Variants in GIGYF1 observed in about 807,000 individuals in gnomAD.
The protein encoded by GIGYF1 is GRB10-interacting GYF protein 1.
A neutral mutation model predicts 147.1 loss-of-function variants in GIGYF1; 84 were observed. The observed-to-expected ratio is 0.57, with a 90% CI of 0.48 to 0.68. The LOEUF (loss-of-function observed/expected upper bound fraction) is 0.68, where lower values mean the gene tolerates loss of function less well. GIGYF1 is among the 30% of genes least tolerant of loss of function. The pLI, the probability that GIGYF1 is intolerant of heterozygous loss-of-function variation, is 0.00. For synonymous variants in GIGYF1, 752 were observed against 589.5 expected, an observed-to-expected ratio of 1.28 and a Z score of -3.99; for missense variants, 1,485 against 1,393.7, an observed-to-expected ratio of 1.07 and a Z score of -1.04.
rs372621455 is a variant in GIGYF1, at chr7:100,689,560, G to T, written c.-1098-5C>A. ...TCAACTCCAGGACGCCACAGTCTGG[G>T]AAAGAAGAGGAAGCGGGTTCAACCA... On this transcript the variant is annotated splice_polypyrimidine_tract_variant and splice_region_variant and intron_variant, in intron 1 of 26. Coordinates refer to ENST00000678049, the MANE Select transcript of GIGYF1 (RefSeq NM_001375765.1). 1.3e-5 allele frequency: 2 copies of T among 152,664 alleles called. No homozygotes were observed. The highest frequency in any genetic ancestry group is 1.3e-4 in the Admixed American group (2 of 15,284). The allele number at this position is 152,664 out of a possible 1,614,324, so 9.5% of individuals were successfully genotyped here. A position where few individuals can be genotyped will look rare whatever the true frequency, so the allele number is the denominator to read the frequency against.
rs914610562 is a variant in GIGYF1, at chr7:100,681,194, G to A, written c.*525C>T. On this transcript the variant is annotated 3_prime_UTR_variant, in exon 27 of 27. Coordinates refer to ENST00000678049, the MANE Select transcript of GIGYF1 (RefSeq NM_001375765.1). ...CTCCTGTGCAAACTGCTGGCCCCCA[G>A]CTTCCAGTTACCCCATGGCCCGCCT... 1 of 152,704 alleles carries A rather than the reference G, an allele frequency of 6.5e-6. No individual in the cohort carries two copies. The highest frequency in any genetic ancestry group is 2.4e-5 in the African/African-American group (1 of 41,468). 9.5% of individuals were successfully genotyped at this position (152,704 alleles called of 1,614,324 possible).
chr7:100,682,696 C>T lies in GIGYF1; in HGVS notation c.2494G>A (p.Gly832Arg), dbSNP rs751175112. Residue 832 changes from glycine to arginine, a missense_variant, in exon 23 of 27, where the codon GGG becomes AGG. By Grantham distance (125) the Gly-to-Arg change is moderately radical. Coordinates refer to ENST00000678049, the MANE Select transcript of GIGYF1 (RefSeq NM_001375765.1). The stretch of plus-strand genomic sequence containing the variant: ...AGCCCCAGGCCGCTGCTGCCGCCCC[C>T]ACTCTTGTCTGGCCCGCCCCACAGT... ...GPLWGGPDKS[G>R]GGSSGLGLWE... 2 of 1,598,240 alleles carry T rather than the reference C, an allele frequency of 1.3e-6. No homozygotes were observed. Among genetic ancestry groups the T allele is most frequent in the Middle Eastern group, 1.7e-4 (1 of 5,978 alleles).
chr7:100,685,354 T>C lies in GIGYF1; in HGVS notation c.1182A>G (p.Pro394=), dbSNP rs1356192118. The C allele has an allele frequency of 6.3e-7, 1 of 1,597,490 alleles. No homozygotes were observed. The highest frequency in any genetic ancestry group is 1.1e-5 in the South Asian group (1 of 88,932). Residue 394 remains proline (P), a synonymous_variant, in exon 13 of 27, where the codon CCA becomes CCG. Coordinates refer to ENST00000678049, the MANE Select transcript of GIGYF1 (RefSeq NM_001375765.1). ...ATCCTCCCTTCCTACCTTCGGCCGC[T>C]GGGGGCTCTTTCTCTGCAGTTTCGT... The part of the protein sequence containing the change: ...DGDETAEKEP[P]AAEDDIRGIQ...
intron 1 of GIGYF1, among the ~76,000 whole-genome samples, chr7:100,690,270 T>A (rs1277026048): frequency 2.6e-5 from 4 of 152,170 alleles, no homozygotes; most frequent in Non-Finnish European, 4.4e-5. Context: ...GAGGCCATTT[T>A]GGGCCTCCTC....
Position 100,686,195 on chromosome 7 carries a change from G to C in GIGYF1, c.933C>G (p.Ala311=). Reference sequence around the variant, plus strand: ...TCACAGATACCTTGAGAGGCAAGAAGGCCCCAGAGGCATCAAAGGTGCCCA... The same window carrying C: ...TCACAGATACCTTGAGAGGCAAGAACGCCCCAGAGGCATCAAAGGTGCCCA... ...EEMGTFDASG[A]FLPLKKGPKE... is the part of the protein sequence containing the mutation. The change falls in exon 11 of 27, where the codon GCC becomes GCG. Residue 311 remains alanine, a synonymous_variant. Transcript: ENST00000678049. 6.2e-7 allele frequency: 1 copy of C among 1,610,026 alleles called. No individual in the cohort carries two copies. The highest frequency in any genetic ancestry group is 8.5e-7 in the Non-Finnish European group (1 of 1,177,818).
chr7:100,687,467 G>C (rs1219916492), intron 7 of GIGYF1, 38 bp downstream of exon 7: 1 of 1,606,046 alleles, frequency 6.2e-7, no homozygotes, highest in Admixed American at 1.7e-5. Flanking sequence ...CAGGGGCCCA[G>C]ATCTGCCCGT....
intron 23 of GIGYF1, 41 bp from the exon 24 acceptor site, chr7:100,682,523 A>C (rs1804881755): frequency 3.1e-6 from 5 of 1,602,842 alleles, no homozygotes; most frequent in Non-Finnish European, 4.2e-6. Flanking sequence ...ATCAGCTGGC[A>C]GGGGTTGGGG....
chr7:100,681,811 GCTC>G, intron 26 of GIGYF1, 40 bp from the exon 27 acceptor site: 1 of 1,601,478 alleles, frequency 6.2e-7, no homozygotes, highest in Non-Finnish European at 8.5e-7. Flanking sequence ...TCTCTCCTGG[GCTC>G]CTCCTGCCCT....
rs1194446481 is a variant in GIGYF1, at chr7:100,694,134, C to T, written c.-1123G>A. 1 of 139,978 alleles carries T rather than the reference C, an allele frequency of 7.1e-6. No homozygotes were observed. The highest frequency in any genetic ancestry group is 2.6e-5 in the African/African-American group (1 of 38,214). The allele number at this position is 139,978 out of a possible 1,614,324, so 8.7% of individuals were successfully genotyped here. A position where few individuals can be genotyped will look rare whatever the true frequency, so the allele number is the denominator to read the frequency against. ...CCGCGGGCGGCGCGAGGGTCCGGTCCCGGGGCGTGGGCGGCGCGCGGCGGG... is the reference window on the plus strand; with the variant it reads ...CCGCGGGCGGCGCGAGGGTCCGGTCTCGGGGCGTGGGCGGCGCGCGGCGGG... On this transcript the variant is annotated 5_prime_UTR_variant, in exon 1 of 27. Transcript: ENST00000678049.
At chr7:100,690,719 T>A (rs1584511053) in intron 1 of GIGYF1, among the ~76,000 whole-genome samples, 2 of 146,018 alleles carry the variant, frequency 1.4e-5, no homozygotes, top group Non-Finnish European at 1.5e-5. Context: ...GAGGCGGAGG[T>A]TGCAGTGAGC....
At chr7:100,693,536 G>A (rs969501467) in intron 1 of GIGYF1, among the ~76,000 whole-genome samples, 2 of 152,208 alleles carry the variant, frequency 1.3e-5, no homozygotes, top group Admixed American at 6.5e-5. Context: ...TGGGTGGAGG[G>A]CAAGGCTTCC....
rs530325752 is a variant in GIGYF1, at chr7:100,687,197, C to A, written c.482+101G>T. 60 of 1,449,976 alleles carry A rather than the reference C, an allele frequency of 4.1e-5. No homozygotes were observed. In the South Asian group the frequency reaches 6.1e-4, roughly 15 times the overall value. The allele number at this position is 1,449,976 out of a possible 1,614,324, so 89.8% of individuals were successfully genotyped here. On this transcript the variant is annotated intron_variant, in intron 8 of 26. Transcript: ENST00000678049. ...GGGTCAGGAGCACCGGGATCTCGGACAGGGCTTATCTGGTGGGCCTCTGTT... is the reference window on the plus strand; with the variant it reads ...GGGTCAGGAGCACCGGGATCTCGGAAAGGGCTTATCTGGTGGGCCTCTGTT...
In GIGYF1 at chr7:100,687,623, A is replaced by T; in HGVS notation, c.262-7T>A. The T allele has an allele frequency of 6.2e-7, 1 of 1,605,132 alleles. No individual in the cohort carries two copies. The highest frequency in any genetic ancestry group is 8.5e-7 in the Non-Finnish European group (1 of 1,175,922). On this transcript the variant is annotated splice_region_variant and splice_polypyrimidine_tract_variant and intron_variant, in intron 6 of 26. Coordinates refer to ENST00000678049, the MANE Select transcript of GIGYF1 (RefSeq NM_001375765.1). Reference sequence around the variant, plus strand: ...CTGACAGGGAGAAGTTTCTCTGAGGAGGGAGCCAGGGGCGGGAGTGAGGAC... The same window carrying T: ...CTGACAGGGAGAAGTTTCTCTGAGGTGGGAGCCAGGGGCGGGAGTGAGGAC...
intron 1 of GIGYF1, 72 bp downstream of exon 1, chr7:100,694,038 C>A (rs1351534573): frequency 2.1e-5 from 3 of 145,352 alleles, no homozygotes; most frequent in Non-Finnish European, 1.5e-5. Flanking sequence ...GCGCGGCCGC[C>A]GCGGCGTCGG....
chr7:100,693,182 T>C (rs1486386773), intron 1 of GIGYF1, among the ~76,000 whole-genome samples: 1 of 152,132 alleles, frequency 6.6e-6, no homozygotes, highest in Non-Finnish European at 1.5e-5. Flanking sequence ...TAGCATCTCC[T>C]AGTTCCTAGC....
rs186941036 is a variant in GIGYF1 at position 100,687,233 on chromosome 7, G to A, written c.482+65C>T. The A allele has an allele frequency of 6.3e-3, 9,535 of 1,516,876 alleles. 62 individuals carry two copies. The highest frequency in any genetic ancestry group is 6.4e-3 in the Non-Finnish European group (7,015 of 1,096,536). The allele number at this position is 1,516,876 out of a possible 1,614,324, so 94.0% of individuals were successfully genotyped here. On this transcript the variant is annotated intron_variant, in intron 8 of 26. Transcript: ENST00000678049. Reference sequence around the variant, plus strand: ...TGGTGGGCCTCTGTTACCCTCTAGCGACAGGGCCCAGGCCTCCCCTCCCTG... The same window carrying A: ...TGGTGGGCCTCTGTTACCCTCTAGCAACAGGGCCCAGGCCTCCCCTCCCTG...
In GIGYF1 at chr7:100,682,082, T is replaced by C. The variant is rs769314178; in HGVS notation, c.2915A>G (p.Gln972Arg). 33 of 1,612,972 alleles carry C rather than the reference T, an allele frequency of 2.0e-5. No homozygotes were observed. In the Admixed American group the frequency reaches 4.0e-4, roughly 20 times the overall value. Residue 972 changes from glutamine to arginine, a missense_variant, in exon 25 of 27, where the codon CAG (glutamine) becomes CGG (arginine). Physicochemically the swap from Gln to Arg is conservative, Grantham distance 43. Coordinates refer to ENST00000678049, the MANE Select transcript of GIGYF1 (RefSeq NM_001375765.1). ...TGCCGGCTGCCTCACCTGCTGCTGC[T>C]GCCGCTGCTGGCTGGCTTTCTGCTT... ...RAKQKASQQR[Q>R]QQQEAWLSSA...
rs1327028972 is a variant in GIGYF1 at position 100,680,353 on chromosome 7, G to A, written c.*1366C>T. On this transcript the variant is annotated 3_prime_UTR_variant, in exon 27 of 27. Coordinates refer to ENST00000678049, the MANE Select transcript of GIGYF1 (RefSeq NM_001375765.1). ...ACTCTGAGCAATGAGGTCAATGGGA[G>A]GAGCTGGATGAGAAACCCAAAAGAC... 2 of 152,586 alleles carry A rather than the reference G, an allele frequency of 1.3e-5. No individual in the cohort carries two copies. The highest frequency in any genetic ancestry group is 2.4e-5 in the African/African-American group (1 of 41,386). 9.5% of individuals were successfully genotyped at this position (152,586 alleles called of 1,614,324 possible). A position where few individuals can be genotyped will look rare whatever the true frequency, so the allele number is the denominator to read the frequency against.
Position 100,687,375 on chromosome 7 carries a change from T to C in GIGYF1, c.405A>G (p.Gln135=), listed in dbSNP as rs765626003. 7.4e-6 allele frequency: 12 copies of C among 1,613,330 alleles called. No individual in the cohort carries two copies. The highest frequency in any genetic ancestry group is 2.7e-5 in the African/African-American group (2 of 74,924). ...CCCCATCGCCTTCTTCGATGCTTCTTTGGTAAAAGCAGCTGTCACCACGGC... is the reference window on the plus strand; with the variant it reads ...CCCCATCGCCTTCTTCGATGCTTCTCTGGTAAAAGCAGCTGTCACCACGGC... ...GRGRGDSCFY[Q]RSIEEGDGAF... is the part of the protein sequence containing the mutation. Residue 135 remains glutamine (Q), a synonymous_variant, in exon 8 of 27, where the codon CAA becomes CAG. Transcript: ENST00000678049.
Sources: gnomAD v4.1 joint callset for allele counts (sites outside exome capture counted in the v4.1 genomes callset) on GRCh38, gnomAD v4.1.1 for gene constraint, MANE v1.5 for transcripts, NCBI Gene and HGNC (gene_info 2026-07-23, HGNC 2026-07-21) for gene names.